The following FOXN3 variants were observed in gnomAD, a reference collection of about 807,000 sequenced individuals.
The protein encoded by FOXN3 is forkhead box protein N3.
A neutral mutation model predicts 38.4 loss-of-function variants in FOXN3; 7 were observed. The observed-to-expected ratio is 0.18, with a 90% confidence interval of 0.10 to 0.34. The LOEUF is 0.34. FOXN3 is among the 10% of genes least tolerant of loss of function. The pLI is 1.00. For synonymous variants in FOXN3, 230 were observed against 242.2 expected, an observed-to-expected ratio of 0.95 and a Z score of 0.47; for missense variants, 456 against 613.4, an observed-to-expected ratio of 0.74 and a Z score of 2.71.
At chr14:89,340,557 G>A (rs1008378849) in intron 3 of FOXN3, among the ~76,000 whole-genome samples, 4 of 152,150 alleles carry the variant, frequency 2.6e-5, no homozygotes, top group Non-Finnish European at 4.4e-5. Context: ...CGAACCTTAT[G>A]TAAGAAAAAC....
At chr14:89,573,344 C>A (rs1183379929) in intron 1 of FOXN3, among the ~76,000 whole-genome samples, 2 of 152,060 alleles carry the variant, frequency 1.3e-5, no homozygotes, top group Admixed American at 1.3e-4. Context: ...GCAGGTCACT[C>A]AAAAATCATA....
At chr14:89,304,496 A>C (rs2139950668) in intron 3 of FOXN3, among the ~76,000 whole-genome samples, 1 of 152,282 alleles carries the variant, frequency 6.6e-6, no homozygotes, top group South Asian at 2.1e-4. Flanking sequence ...CTTAGACAAC[A>C]GGGGGTGCTT....
Position 89,244,832 on chromosome 14 carries a change from G to GAT in FOXN3, c.745+36117_745+36118insAT, listed in dbSNP as rs528616939. Among the ~76,000 whole-genome samples, 407 of 152,330 alleles carry GAT rather than the reference G, an allele frequency of 2.7e-3. 1 individual carries two copies. The highest frequency in any genetic ancestry group is 7.2e-3 in the South Asian group (35 of 4,832). ...AATGTTCAAGCTAGAGGGCTCCTTA[G>GAT]AAATCATCAAATTTTCTTTTTGCAC... On this transcript the variant is annotated intron_variant, in intron 4 of 5. Transcript: ENST00000557258.
intron 1 of FOXN3, among the ~76,000 whole-genome samples, chr14:89,422,459 C>T (rs1050292110): frequency 6.6e-6 from 1 of 152,152 alleles, no homozygotes; most frequent in African/African-American, 2.4e-5. Flanking sequence ...AAAGGAAGAA[C>T]CAAGAGGATT....
intron 2 of FOXN3, among the ~76,000 whole-genome samples, chr14:89,367,232 C>T (rs974544619): frequency 6.6e-6 from 1 of 152,100 alleles, no homozygotes; most frequent in Non-Finnish European, 1.5e-5. Flanking sequence ...CCACAGCATC[C>T]GGCCAACCAA....
intron 1 of FOXN3, among the ~76,000 whole-genome samples, chr14:89,518,049 T>C (rs1198799617): frequency 6.6e-6 from 1 of 152,208 alleles, no homozygotes; most frequent in East Asian, 1.9e-4. Context: ...AACAGCATCT[T>C]CTGGTCATTG....
intron 2 of FOXN3, among the ~76,000 whole-genome samples, chr14:89,357,149 G>T (rs1054366428): frequency 2.6e-5 from 4 of 151,978 alleles, no homozygotes; most frequent in Non-Finnish European, 4.4e-5. Context: ...CCGGGAGTCT[G>T]AGACCAGCCT....
At chr14:89,454,900 G>C (rs1434585568) in intron 1 of FOXN3, among the ~76,000 whole-genome samples, 3 of 152,234 alleles carry the variant, frequency 2.0e-5, no homozygotes, top group Non-Finnish European at 4.4e-5. Context: ...TGGAGAAGGA[G>C]AGGGAGTGGG....
intron 3 of FOXN3, among the ~76,000 whole-genome samples, chr14:89,326,464 A>C (rs570172542): frequency 1.3e-5 from 2 of 152,330 alleles, no homozygotes; most frequent in South Asian, 4.1e-4. Flanking sequence ...ACTCGGCAGA[A>C]TCCACAATCC....
At chr14:89,183,304 G>A (rs956797829) in intron 4 of FOXN3, among the ~76,000 whole-genome samples, 1 of 152,150 alleles carries the variant, frequency 6.6e-6, no homozygotes, top group Non-Finnish European at 1.5e-5. Context: ...GAACCATGCT[G>A]ATAAATAACA....
intron 2 of FOXN3, among the ~76,000 whole-genome samples, chr14:89,396,854 TAAAATG>T (rs1174692213): frequency 6.8e-6 from 1 of 146,330 alleles, no homozygotes; most frequent in South Asian, 2.2e-4. Context: ...AAAAAAAACT[TAAAATG>T]AGAAATATGC....
chr14:89,531,246 C>T (rs1375077985), intron 1 of FOXN3, among the ~76,000 whole-genome samples: 1 of 151,662 alleles, frequency 6.6e-6, no homozygotes, highest in African/African-American at 2.4e-5. Context: ...GAATGTGCAG[C>T]GTAGAAGCCC....
intron 3 of FOXN3, among the ~76,000 whole-genome samples, chr14:89,306,398 T>G (rs1489746815): frequency 6.6e-6 from 1 of 151,926 alleles, no homozygotes; most frequent in Non-Finnish European, 1.5e-5. Flanking sequence ...GACGGAGTCT[T>G]GCTCTGTTGC....
In FOXN3 at chr14:89,387,665, G is replaced by C. The variant is rs371330788; in HGVS notation, c.543+24269C>G. Among the ~76,000 whole-genome samples, 148 of 152,336 alleles carry C rather than the reference G, an allele frequency of 9.7e-4. 2 individuals are homozygous for C. The South Asian group carries it at 0.03, about 31-fold the overall frequency. On this transcript the variant is annotated intron_variant, in intron 2 of 5. Transcript: ENST00000557258. ...GACTATAACTGCCAAGGGCCAGAGAGAGAGAGAGATTAATAAGATCAGGAG... is the reference window on the plus strand; with the variant it reads ...GACTATAACTGCCAAGGGCCAGAGACAGAGAGAGATTAATAAGATCAGGAG...
chr14:89,165,515 C>G (rs1392429010), intron 5 of FOXN3, among the ~76,000 whole-genome samples: 1 of 152,204 alleles, frequency 6.6e-6, no homozygotes, highest in Non-Finnish European at 1.5e-5. Context: ...GAAACAGGCC[C>G]TTCAAGAGGA....
At chr14:89,372,466 T>G (rs1596234866) in intron 2 of FOXN3, among the ~76,000 whole-genome samples, 1 of 152,216 alleles carries the variant, frequency 6.6e-6, no homozygotes, top group African/African-American at 2.4e-5. Context: ...AGGCTTCCAA[T>G]TTGACAACAG....
chr14:89,563,300 C>T (rs1273115613), intron 1 of FOXN3, among the ~76,000 whole-genome samples: 1 of 152,152 alleles, frequency 6.6e-6, no homozygotes. Flanking sequence ...TTGAATAGTA[C>T]TTCTCATAGA....
At chr14:89,270,099 C>T (rs1178039585) in intron 4 of FOXN3, among the ~76,000 whole-genome samples, 2 of 152,226 alleles carry the variant, frequency 1.3e-5, no homozygotes, top group Non-Finnish European at 2.9e-5. Flanking sequence ...TCCAGCCCAT[C>T]TCCAAGGAAC....
At chr14:89,197,471 A>G (rs891021749) in intron 4 of FOXN3, among the ~76,000 whole-genome samples, 1 of 150,790 alleles carries the variant, frequency 6.6e-6, no homozygotes, top group Non-Finnish European at 1.5e-5. Flanking sequence ...GTGCCACTGC[A>G]CTCCAGCCTG....
Sources: gnomAD v4.1 joint callset for allele counts (sites outside exome capture counted in the v4.1 genomes callset) on GRCh38, gnomAD v4.1.1 for gene constraint, MANE v1.5 for transcripts, NCBI Gene and HGNC (gene_info 2026-07-23, HGNC 2026-07-21) for gene names.